Variants in NAV2 observed in about 807,000 individuals in gnomAD.
NAV2 encodes helicase, APC down-regulated 1.
A neutral mutation model predicts 223.2 loss-of-function variants in NAV2; 54 were observed. The ratio of observed to expected loss-of-function variants is 0.24; its 90% CI spans 0.19 to 0.30. NAV2 has a LOEUF of 0.30. Ranked by LOEUF, NAV2 falls within the 10% of genes least tolerant of loss-of-function variation. The probability of loss-of-function intolerance (pLI) is 1.00; values close to 1 mark genes in which losing one functional copy is unlikely to be tolerated. For synonymous variants in NAV2, 1,279 were observed against 1,239.3 expected, an observed-to-expected ratio of 1.03 and a Z score of -0.67; for missense variants, 2,806 against 3,147.5, an observed-to-expected ratio of 0.89 and a Z score of 2.60.
At chr11:19,625,593 G>C (rs1433368991) in intron 1 of NAV2, among the ~76,000 whole-genome samples, 4 of 152,048 alleles carry the variant, frequency 2.6e-5, no homozygotes, top group Non-Finnish European at 5.9e-5. Context: ...TGAATCATAT[G>C]GTTGTTCTAT....
At chr11:19,549,347 G>A (rs116760427) in intron 1 of NAV2, among the ~76,000 whole-genome samples, 6 of 152,328 alleles carry the variant, frequency 3.9e-5, no homozygotes, top group Admixed American at 1.3e-4. Context: ...ACGAAGAGAG[G>A]TTGGCGTCCT....
At chr11:19,869,232 G>A (rs572728288) in intron 4 of NAV2, among the ~76,000 whole-genome samples, 1 of 152,264 alleles carries the variant, frequency 6.6e-6, no homozygotes, top group Non-Finnish European at 1.5e-5. Flanking sequence ...GTAGTGAAGG[G>A]GAAGCTGTCC....
chr11:19,896,781 G>A (rs967891934), intron 6 of NAV2, among the ~76,000 whole-genome samples: 2 of 152,166 alleles, frequency 1.3e-5, no homozygotes, highest in African/African-American at 2.4e-5. Context: ...AAAATATTAA[G>A]AGGGACTGTA....
At chr11:19,921,085 A>G (rs909274829) in intron 6 of NAV2, among the ~76,000 whole-genome samples, 4 of 152,218 alleles carry the variant, frequency 2.6e-5, no homozygotes, top group African/African-American at 9.6e-5. Context: ...TTTCCCATTA[A>G]GAAGACAACT....
chr11:19,624,656 A>G (rs1371596827), intron 1 of NAV2, among the ~76,000 whole-genome samples: 3 of 152,208 alleles, frequency 2.0e-5, no homozygotes, highest in Non-Finnish European at 4.4e-5. Context: ...CATCTGTCAC[A>G]GCTTCCCTTG....
chr11:19,359,731 G>A (rs1454155201), intron 1 of NAV2, among the ~76,000 whole-genome samples: 1 of 152,200 alleles, frequency 6.6e-6, no homozygotes, highest in Non-Finnish European at 1.5e-5. Context: ...ACAGCTTTGA[G>A]CAAGGAGACG....
In NAV2 at chr11:19,821,157, G is replaced by A. The variant is rs187321838; in HGVS notation, c.268-11327G>A. Among the ~76,000 whole-genome samples the A allele has an allele frequency of 2.0e-5, 3 of 152,066 alleles. No homozygotes were observed. In the East Asian group the frequency reaches 5.8e-4, roughly 30 times the overall value. ...GGCACCTGTAGTCCCAGCTACTTGG[G>A]AGGCTGAGGCAGGAGAATGGTGTGA... is the stretch of plus-strand genomic sequence containing the variant. On this transcript the variant is annotated intron_variant, in intron 1 of 37. Transcript: ENST00000349880.
chr11:19,800,617 C>G (rs2058189792), intron 1 of NAV2, among the ~76,000 whole-genome samples: 1 of 151,598 alleles, frequency 6.6e-6, no homozygotes, highest in Non-Finnish European at 1.5e-5. Context: ...TGTGCTCCAA[C>G]TTGATAGCTT....
At chr11:19,958,184 G>T (rs1036898024) in intron 10 of NAV2, among the ~76,000 whole-genome samples, 1 of 152,330 alleles carries the variant, frequency 6.6e-6, no homozygotes, top group East Asian at 1.9e-4. Flanking sequence ...AAAGCACAGG[G>T]TCTTCTGGCC....
chr11:19,750,569 C>T (rs1282915754), intron 1 of NAV2, among the ~76,000 whole-genome samples: 1 of 152,204 alleles, frequency 6.6e-6, no homozygotes, highest in African/African-American at 2.4e-5. Context: ...TGGGAGCCCT[C>T]ACCCACTCTG....
chr11:20,063,600 C>G (rs970155021), intron 20 of NAV2, among the ~76,000 whole-genome samples: 1 of 152,078 alleles, frequency 6.6e-6, no homozygotes, highest in Admixed American at 6.5e-5. Context: ...TTCTTGAACT[C>G]CTGACCTCAA....
chr11:19,355,780 C>T (rs970955072), intron 1 of NAV2, among the ~76,000 whole-genome samples: 1 of 152,210 alleles, frequency 6.6e-6, no homozygotes. Context: ...GGGAACAATG[C>T]CCATGTCATT....
intron 1 of NAV2, among the ~76,000 whole-genome samples, chr11:19,473,984 G>A (rs938413578): frequency 2.6e-5 from 4 of 152,176 alleles, no homozygotes; most frequent in Admixed American, 6.5e-5. Flanking sequence ...CATCAGGTCC[G>A]CTGGGGCCTG....
intron 11 of NAV2, among the ~76,000 whole-genome samples, chr11:19,988,232 T>G (rs961530600): frequency 6.6e-6 from 1 of 152,154 alleles, no homozygotes; most frequent in African/African-American, 2.4e-5. Flanking sequence ...AGTTAGATGC[T>G]CCTCTCGAAT....
At chr11:19,723,527 C>T (rs2050947891) in intron 1 of NAV2, among the ~76,000 whole-genome samples, 1 of 152,252 alleles carries the variant, frequency 6.6e-6, no homozygotes, top group African/African-American at 2.4e-5. Flanking sequence ...TCCAGACCCT[C>T]CTCTTCTTGG....
intron 6 of NAV2, among the ~76,000 whole-genome samples, chr11:19,919,145 C>G (rs544588068): frequency 2.2e-4 from 33 of 152,044 alleles, no homozygotes; most frequent in Non-Finnish European, 4.0e-4. Flanking sequence ...TGAGCCCAGT[C>G]ATATCCCTGG....
chr11:19,722,843 A>G (rs996650633), intron 1 of NAV2, among the ~76,000 whole-genome samples: 3 of 152,198 alleles, frequency 2.0e-5, no homozygotes, highest in Admixed American at 2.0e-4. Flanking sequence ...GGGCAACCTG[A>G]ACACTGTCTG....
intron 1 of NAV2, chr11:19,518,430 C>A (rs1342426995): frequency 6.6e-6 from 1 of 152,248 alleles, no homozygotes. Flanking sequence ...TGCACACCTG[C>A]CATCTCTCTG....
rs1325288314 is a variant in NAV2, at chr11:19,940,404, AAAG to A, written c.2146+637_2146+639del. Among the ~76,000 whole-genome samples, 9 of 152,342 alleles carry A rather than the reference AAAG, an allele frequency of 5.9e-5. No homozygotes were observed. The East Asian group carries it at 1.5e-3, about 26-fold the overall frequency. On this transcript the variant is annotated intron_variant, in intron 8 of 37. Transcript: ENST00000349880. ...ACACTATACTATCGCATTCTTAATT[AAAG>A]AAGAAAAGTCACACCTTAATTAGAA...
Sources: gnomAD v4.1 joint callset for allele counts (sites outside exome capture counted in the v4.1 genomes callset) on GRCh38, gnomAD v4.1.1 for gene constraint, MANE v1.5 for transcripts, NCBI Gene and HGNC (gene_info 2026-07-23, HGNC 2026-07-21) for gene names.